The following GABRA5 variants were observed in gnomAD, a reference collection of about 807,000 sequenced individuals.
GABRA5 encodes the protein gamma-aminobutyric acid receptor subunit alpha-5.
GABRA5 carries 18 observed loss-of-function variants against 47.3 expected under a neutral mutation model. That is an observed-to-expected ratio of 0.38 (90% confidence interval 0.26 to 0.56). GABRA5 has a LOEUF of 0.56. Among genes scored for constraint, GABRA5 ranks in the 20% least tolerant of loss-of-function variants. GABRA5 has a pLI of 0.71. For synonymous variants in GABRA5, 237 were observed against 229.3 expected (o/e 1.03, Z -0.30); for missense variants, 365 against 599.3 (o/e 0.61, Z 4.08).
At chr15:26,895,647 C>T (rs1271250791) in intron 6 of GABRA5, among the ~76,000 whole-genome samples, 1 of 151,662 alleles carries the variant, frequency 6.6e-6, no homozygotes, top group Non-Finnish European at 1.5e-5. Context: ...CCCGTCTCTA[C>T]TAAAAATACA....
chr15:26,945,170 C>T (rs1158589672), intron 10 of GABRA5, among the ~76,000 whole-genome samples: 5 of 152,294 alleles, frequency 3.3e-5, no homozygotes, highest in South Asian at 2.1e-4. Flanking sequence ...AAGGCAGTGG[C>T]GCTGGGGGTT....
chr15:26,942,681 A>G (rs1213798341), intron 9 of GABRA5, among the ~76,000 whole-genome samples: 1 of 152,236 alleles, frequency 6.6e-6, no homozygotes. Context: ...GGGAGCCAAA[A>G]TCAGACCTGA....
At chr15:26,899,321 T>C (rs1022334835) in intron 6 of GABRA5, among the ~76,000 whole-genome samples, 1 of 152,256 alleles carries the variant, frequency 6.6e-6, no homozygotes, top group Non-Finnish European at 1.5e-5. Context: ...TGTATGATTT[T>C]ACATTTTTAA....
chr15:26,947,957 T>C lies in GABRA5; in HGVS notation c.1113T>C (p.Asn371=). 6.3e-7 allele frequency: 1 copy of C among 1,583,126 alleles called. No homozygotes were observed. Among genetic ancestry groups the C allele is most frequent in the Non-Finnish European group, 8.6e-7 (1 of 1,163,686 alleles). The change falls in exon 11 of 11, where the codon AAT becomes AAC. Residue 371 remains asparagine (N), a synonymous_variant. Coordinates refer to ENST00000335625, the MANE Select transcript of GABRA5 (RefSeq NM_000810.4). ...KIKKKREVIL[N]KSTNAFTTGK... ...AGAAAAAGCGTGAAGTCATACTAAATAAGTCAACAAACGCTTTTACAACTG... is the reference window on the plus strand; with the variant it reads ...AGAAAAAGCGTGAAGTCATACTAAACAAGTCAACAAACGCTTTTACAACTG...
At position 26,925,261 on chromosome 15, in the gene GABRA5, G is replaced by A. The variant is rs902157141; in HGVS notation, c.580+10376G>A. The stretch of plus-strand genomic sequence containing the variant: ...TTTTTATCTGAGGTTCTAATTACAT[G>A]TACTACACCTTTTGGTATAATCCCA... On this transcript the variant is annotated intron_variant, in intron 7 of 10. Transcript: ENST00000335625. Among the ~76,000 whole-genome samples the A allele has an allele frequency of 2.6e-5, 4 of 151,186 alleles. No homozygotes were observed. In the South Asian group the frequency reaches 6.3e-4, roughly 24 times the overall value.
intron 6 of GABRA5, among the ~76,000 whole-genome samples, chr15:26,901,673 T>C (rs1207533578): frequency 1.3e-5 from 2 of 152,198 alleles, no homozygotes; most frequent in African/African-American, 4.8e-5. Context: ...AAATTTGGCT[T>C]ATGAATTCTT....
intron 7 of GABRA5, among the ~76,000 whole-genome samples, chr15:26,917,594 T>C (rs989512438): frequency 2.0e-5 from 3 of 152,206 alleles, no homozygotes; most frequent in Middle Eastern, 3.4e-3. Context: ...GTTTGAGTCT[T>C]TGTTCCTCTT....
In GABRA5 at chr15:26,883,272, C is replaced by A; in HGVS notation, c.276+39C>A. 1 of 1,611,686 alleles carries A rather than the reference C, an allele frequency of 6.2e-7. No homozygotes were observed. Among genetic ancestry groups the A allele is most frequent in the East Asian group, 2.2e-5 (1 of 44,842 alleles). On this transcript the variant is annotated intron_variant, in intron 5 of 10. Transcript: ENST00000335625. The surrounding 1 kb of genome is among the most constrained non-coding windows in gnomAD (Gnocchi z 4.8). ...CATGGCTGGGCAGACAATTCTTACT[C>A]CGCGCCGCAGGCCCCCGCCCAGGCC...
intron 6 of GABRA5, among the ~76,000 whole-genome samples, chr15:26,912,047 GCCCTC>G (rs1595418256): frequency 1.3e-5 from 2 of 152,118 alleles, no homozygotes; most frequent in Admixed American, 6.6e-5. Flanking sequence ...CACTTGAAAC[GCCCTC>G]CCCTCCACCC....
intron 10 of GABRA5, among the ~76,000 whole-genome samples, chr15:26,943,859 C>G (rs934690779): frequency 6.6e-6 from 1 of 152,112 alleles, no homozygotes; most frequent in African/African-American, 2.4e-5. Context: ...CATGATTGAA[C>G]CCCCTTACAC....
At chr15:26,917,706 G>A (rs899041390) in intron 7 of GABRA5, among the ~76,000 whole-genome samples, 1 of 151,866 alleles carries the variant, frequency 6.6e-6, no homozygotes, top group African/African-American at 2.4e-5. Flanking sequence ...TTTCTTTGTT[G>A]GGAGGTTTTT....
At chr15:26,878,961 C>T (rs987574748) in intron 3 of GABRA5, among the ~76,000 whole-genome samples, 7 of 152,178 alleles carry the variant, frequency 4.6e-5, no homozygotes, top group African/African-American at 1.4e-4. Flanking sequence ...CGGAAAACAA[C>T]GCTCACAGAG....
At chr15:26,934,538 C>T (rs973663256) in intron 7 of GABRA5, among the ~76,000 whole-genome samples, 3 of 152,104 alleles carry the variant, frequency 2.0e-5, no homozygotes, top group Non-Finnish European at 4.4e-5. Context: ...AAAATCATTC[C>T]CCACACGGTT....
At chr15:26,869,122 G>A in intron 2 of GABRA5, 53 bp from the exon 3 acceptor site, 1 of 672,754 alleles carries the variant, frequency 1.5e-6, no homozygotes, top group Non-Finnish European at 2.7e-6. Flanking sequence ...TCCAGGAACT[G>A]TGACACAACA....
At chr15:26,903,078 A>G (rs1893362873) in intron 6 of GABRA5, among the ~76,000 whole-genome samples, 2 of 151,948 alleles carry the variant, frequency 1.3e-5, no homozygotes, top group Non-Finnish European at 2.9e-5. Context: ...CTAGTAGCCA[A>G]TAGTTATTTT....
At chr15:26,884,851 T>A (rs1204040238) in intron 6 of GABRA5, among the ~76,000 whole-genome samples, 1 of 152,202 alleles carries the variant, frequency 6.6e-6, no homozygotes, top group Non-Finnish European at 1.5e-5. Flanking sequence ...TGTGCACTTG[T>A]GGTGGATAAT....
intron 6 of GABRA5, among the ~76,000 whole-genome samples, chr15:26,898,976 T>G (rs1893264538): frequency 6.6e-6 from 1 of 152,116 alleles, no homozygotes; most frequent in African/African-American, 2.4e-5. Context: ...GCTCAAGTGA[T>G]CCTCCCACCT....
intron 7 of GABRA5, among the ~76,000 whole-genome samples, chr15:26,923,867 GA>G (rs1251517161): frequency 6.6e-6 from 1 of 151,742 alleles, no homozygotes; most frequent in East Asian, 1.9e-4. Flanking sequence ...TTCCTCTAAG[GA>G]ACTTTTTATC....
chr15:26,880,755 C>A, intron 3 of GABRA5, 91 bp from the exon 4 acceptor site: 4 of 1,350,496 alleles, frequency 3.0e-6, no homozygotes, highest in Non-Finnish European at 4.1e-6. Context: ...AGGAGACAAG[C>A]CTCCACGTGA....
Sources: allele counts gnomAD v4.1 joint callset (sites outside exome capture counted in the v4.1 genomes callset), GRCh38; gene constraint gnomAD v4.1.1; non-coding constraint Gnocchi (gnomAD v3.1); transcripts MANE v1.5; gene names NCBI Gene and HGNC (gene_info 2026-07-23, HGNC 2026-07-21).